The following CILK1 variants were observed in gnomAD, a reference collection of about 807,000 sequenced individuals.
CILK1 encodes ciliogenesis associated kinase 1.
CILK1 carries 47 observed loss-of-function variants against 79.2 expected under a neutral mutation model. The ratio of observed to expected loss-of-function variants is 0.59; its 90% CI spans 0.47 to 0.76. The LOEUF is 0.76. Ranked by LOEUF, CILK1 falls within the 30% of genes least tolerant of loss-of-function variation. The probability of loss-of-function intolerance (pLI) is 0.00; values close to 1 mark genes in which losing one functional copy is unlikely to be tolerated. For missense variants in CILK1, 660 were observed against 769.5 expected, an observed-to-expected ratio of 0.86 and a Z score of 1.68; for synonymous variants, 266 against 275.9, an observed-to-expected ratio of 0.96 and a Z score of 0.36.
At chr6:53,017,758 G>C (rs1001102780) in intron 7 of CILK1, among the ~76,000 whole-genome samples, 2 of 152,160 alleles carry the variant, frequency 1.3e-5, no homozygotes, top group Admixed American at 1.3e-4. Flanking sequence ...TATTCAACAG[G>C]ATTTACCCAC....
At position 53,006,370 on chromosome 6, in the gene CILK1, T is replaced by C. The variant is rs754058398; in HGVS notation, c.1689A>G (p.Glu563=). 1 of 1,614,026 alleles carries C rather than the reference T, an allele frequency of 6.2e-7. No individual in the cohort carries two copies. The highest frequency in any genetic ancestry group is 8.5e-7 in the Non-Finnish European group (1 of 1,179,906). ...GNYVPSFLKK[E]IGSAMQRVHL... ...GTACCCTCTGCATAGCAGAACCGAT[T>C]TCTTTTTTCAGAAAGGAAGGGACAT... Residue 563 remains glutamate (E), a synonymous_variant, in exon 13 of 14, where the codon GAA becomes GAG. Coordinates refer to ENST00000676107, the MANE Select transcript of CILK1 (RefSeq NM_014920.5).
chr6:53,024,833 CT>C (rs11399655), intron 5 of CILK1, among the ~76,000 whole-genome samples: 1,673 of 133,814 alleles, frequency 0.013, 20 homozygotes, highest in African/African-American at 0.043. Context: ...ATAGCTAAAT[CT>C]TTTTTTTTTT....
chr6:53,057,288 T>C (rs1233653830), intron 1 of CILK1, among the ~76,000 whole-genome samples: 2 of 152,182 alleles, frequency 1.3e-5, no homozygotes, highest in African/African-American at 4.8e-5. Context: ...AGGTAAAAAA[T>C]AACTCACACT....
intron 5 of CILK1, among the ~76,000 whole-genome samples, chr6:53,024,710 A>G (rs901441120): frequency 6.6e-6 from 1 of 152,128 alleles, no homozygotes; most frequent in Non-Finnish European, 1.5e-5. Flanking sequence ...TACTCCACAG[A>G]TGGGAAAACT....
chr6:53,027,090 C>T (rs1306401265), intron 5 of CILK1, among the ~76,000 whole-genome samples: 5 of 152,268 alleles, frequency 3.3e-5, no homozygotes, highest in African/African-American at 1.2e-4. Flanking sequence ...GCTGTGGAAA[C>T]TTTAATTTCC....
rs61298179 is a variant in CILK1, at chr6:53,037,893, C to T, written c.156+46G>A. 4,240 of 1,119,336 alleles carry T rather than the reference C, an allele frequency of 3.8e-3. 96 individuals carry two copies. In the African/African-American group the frequency reaches 0.055, roughly 15 times the overall value. 69.3% of individuals were successfully genotyped at this position (1,119,336 alleles called of 1,614,324 possible). A position where few individuals can be genotyped will look rare whatever the true frequency, so the allele number is the denominator to read the frequency against. On this transcript the variant is annotated intron_variant, in intron 3 of 13. Transcript: ENST00000676107. ...ACTATAAATCTAAGCATGTACAAAG[C>T]TATTTTAATCATCCATAAATTATTC...
intron 8 of CILK1, among the ~76,000 whole-genome samples, chr6:53,014,851 C>T (rs1764800625): frequency 6.6e-6 from 1 of 152,174 alleles, no homozygotes; most frequent in African/African-American, 2.4e-5. Context: ...AGCATACATT[C>T]CTCTCTTGCT....
chr6:53,055,435 CT>C (rs1767788881), intron 1 of CILK1, among the ~76,000 whole-genome samples: 1 of 152,282 alleles, frequency 6.6e-6, no homozygotes, highest in African/African-American at 2.4e-5. Flanking sequence ...TGGACTACTG[CT>C]TTTTTTCTGC....
chr6:53,044,375 T>A (rs113847671), intron 1 of CILK1, among the ~76,000 whole-genome samples: 1 of 152,342 alleles, frequency 6.6e-6, no homozygotes, highest in Non-Finnish European at 1.5e-5. Context: ...TGGAGCAGTT[T>A]CATCCTGAAA....
intron 1 of CILK1, among the ~76,000 whole-genome samples, chr6:53,043,657 T>A (rs1253056267): frequency 6.6e-6 from 1 of 152,156 alleles, no homozygotes; most frequent in Non-Finnish European, 1.5e-5. Flanking sequence ...AAGCACCTTC[T>A]GTGTGACAGA....
chr6:53,016,722 A>G (rs1421861575), intron 7 of CILK1, among the ~76,000 whole-genome samples: 1 of 152,238 alleles, frequency 6.6e-6, no homozygotes, highest in African/African-American at 2.4e-5. Flanking sequence ...AACCAGCAGT[A>G]AAGAAAGGTG....
intron 1 of CILK1, chr6:53,051,925 T>C (rs893589015): frequency 2.6e-5 from 4 of 152,206 alleles, no homozygotes; most frequent in Non-Finnish European, 4.4e-5. Context: ...AGAATGTACT[T>C]ATCTCTTTTA....
chr6:53,020,455 G>A (rs1765162677), intron 5 of CILK1, among the ~76,000 whole-genome samples: 1 of 152,134 alleles, frequency 6.6e-6, no homozygotes, highest in Non-Finnish European at 1.5e-5. Context: ...TATCATTACA[G>A]GCTGAGTATT....
At chr6:53,007,831 T>C (rs2127401567) in intron 12 of CILK1, among the ~76,000 whole-genome samples, 1 of 151,454 alleles carries the variant, frequency 6.6e-6, no homozygotes, top group Admixed American at 6.6e-5. Flanking sequence ...TCCTAGCTAC[T>C]TGGGAGGCTG....
chr6:53,018,136 G>A (rs1009378869), intron 7 of CILK1, among the ~76,000 whole-genome samples, 194 bp downstream of exon 7: 6 of 152,182 alleles, frequency 3.9e-5, no homozygotes, highest in African/African-American at 1.4e-4. Flanking sequence ...CATGACAGAT[G>A]TCATACTTAA....
chr6:53,008,948 C>G (rs1581940892), intron 12 of CILK1, among the ~76,000 whole-genome samples: 1 of 152,098 alleles, frequency 6.6e-6, no homozygotes, highest in African/African-American at 2.4e-5. Context: ...AGCCTTGGGA[C>G]TCAGTAAATT....
chr6:53,022,457 G>A (rs963734908), intron 5 of CILK1, among the ~76,000 whole-genome samples: 3 of 152,186 alleles, frequency 2.0e-5, no homozygotes, highest in African/African-American at 4.8e-5. Flanking sequence ...GTAACATGCT[G>A]TAGAGGCTTA....
intron 9 of CILK1, among the ~76,000 whole-genome samples, chr6:53,012,493 C>A (rs1764635943): frequency 6.6e-6 from 1 of 152,014 alleles, no homozygotes; most frequent in Non-Finnish European, 1.5e-5. Context: ...TCTTACACAC[C>A]AGGAAGATGG....
chr6:53,053,283 T>C (rs1319678144), intron 1 of CILK1, among the ~76,000 whole-genome samples: 1 of 152,176 alleles, frequency 6.6e-6, no homozygotes, highest in South Asian at 2.1e-4. Flanking sequence ...CCTTGAGAAT[T>C]AGCATGTATT....
Sources: gnomAD v4.1 joint callset for allele counts (sites outside exome capture counted in the v4.1 genomes callset) on GRCh38, gnomAD v4.1.1 for gene constraint, MANE v1.5 for transcripts, NCBI Gene and HGNC (gene_info 2026-07-23, HGNC 2026-07-21) for gene names.